The following PLCH1 variants were observed in gnomAD, a reference collection of about 807,000 sequenced individuals.
PLCH1 encodes the protein phospholipase C eta 1.
PLCH1 carries 60 observed loss-of-function variants against 126.7 expected under a neutral mutation model. The observed-to-expected ratio is 0.47, with a 90% CI of 0.38 to 0.59. The LOEUF (loss-of-function observed/expected upper bound fraction) is 0.59. PLCH1 is among the 20% of genes least tolerant of loss of function. The probability of loss-of-function intolerance (pLI) is 0.00; values close to 1 mark genes in which losing one functional copy is unlikely to be tolerated. For missense variants in PLCH1, 1,723 were observed against 2,040.0 expected (o/e 0.84, Z 2.99); for synonymous variants, 719 against 734.9 (o/e 0.98, Z 0.35).
chr3:155,537,532 T>C (rs1268226605), intron 10 of PLCH1, among the ~76,000 whole-genome samples: 2 of 151,812 alleles, frequency 1.3e-5, no homozygotes, highest in Admixed American at 1.3e-4. Flanking sequence ...CTCATAAACT[T>C]AAAGTAAAGG....
At chr3:155,632,293 G>A (rs1007920) in intron 2 of PLCH1, among the ~76,000 whole-genome samples, 44,919 of 151,924 alleles carry the variant, frequency 0.3, 7,217 homozygotes, top group East Asian at 0.44. Context: ...TTTCACACAC[G>A]CTACTCCCTA....
At chr3:155,463,190 A>G (rs1438410279) in intron 21 of PLCH1, among the ~76,000 whole-genome samples, 1 of 152,132 alleles carries the variant, frequency 6.6e-6, no homozygotes, top group Non-Finnish European at 1.5e-5. Flanking sequence ...CCCACCCCCC[A>G]GTGAAATAGG....
chr3:155,717,935 C>T (rs1747652416), intron 1 of PLCH1, among the ~76,000 whole-genome samples: 2 of 152,184 alleles, frequency 1.3e-5, no homozygotes, highest in African/African-American at 4.8e-5. Flanking sequence ...GAATTTTCCA[C>T]ACTCTTAAGC....
At chr3:155,527,268 A>G (rs1029677710) in intron 10 of PLCH1, among the ~76,000 whole-genome samples, 1 of 152,186 alleles carries the variant, frequency 6.6e-6, no homozygotes, top group Non-Finnish European at 1.5e-5. Context: ...AAATAATGAT[A>G]AATTTCTAAA....
At chr3:155,486,513 G>GTTTTTTTTT (rs397733786) in intron 21 of PLCH1, among the ~76,000 whole-genome samples, 1 of 102,030 alleles carries the variant, frequency 9.8e-6, no homozygotes, top group Non-Finnish European at 1.9e-5. Flanking sequence ...GCTCAAGTTT[G>GTTTTTTTTT]TTTTTTTTTT....
In PLCH1 at chr3:155,482,359, T is replaced by G. The variant is rs1473201904; in HGVS notation, c.3667A>C (p.Ser1223Arg). ...TTGATGGGCATTTTTAGGCCCAGGC[T>G]AGGCAAGGGACAATGGCCTGACATC... ...SVMSGHCPLP[S>R]LGLKMPIKHG... The change falls in exon 23 of 23, where the codon AGC becomes CGC. Residue 1223 changes from serine to arginine, a missense_variant. By Grantham distance (110) the Ser-to-Arg change is moderately radical. Coordinates refer to ENST00000460012, the MANE Select transcript of PLCH1 (RefSeq NM_014996.4). The G allele has an allele frequency of 1.9e-6, 3 of 1,614,082 alleles. No individual in the cohort carries two copies. In the Admixed American group the frequency reaches 5.0e-5, roughly 27 times the overall value.
chr3:155,737,704 T>C (rs149668877), intron 1 of PLCH1, among the ~76,000 whole-genome samples: 8 of 152,312 alleles, frequency 5.3e-5, no homozygotes, highest in African/African-American at 1.9e-4. Flanking sequence ...AGAAATAGGA[T>C]GTCTGGAGAA....
At chr3:155,505,365 A>T (rs1718499196) in intron 12 of PLCH1, among the ~76,000 whole-genome samples, 1 of 152,106 alleles carries the variant, frequency 6.6e-6, no homozygotes, top group East Asian at 1.9e-4. Context: ...GAGAGTTTAA[A>T]CTCTTATTCA....
At chr3:155,703,326 C>G (rs1746411385) in intron 2 of PLCH1, among the ~76,000 whole-genome samples, 2 of 152,072 alleles carry the variant, frequency 1.3e-5, no homozygotes, top group African/African-American at 4.8e-5. Flanking sequence ...CACTCCACTC[C>G]CCCTGAAATC....
chr3:155,625,947 T>G (rs949022752), intron 2 of PLCH1, among the ~76,000 whole-genome samples: 1 of 152,164 alleles, frequency 6.6e-6, no homozygotes, highest in African/African-American at 2.4e-5. Context: ...CTGTGGCACT[T>G]TTCACAATAG....
chr3:155,633,448 A>AC (rs1738310457), intron 2 of PLCH1, among the ~76,000 whole-genome samples: 4 of 146,532 alleles, frequency 2.7e-5, no homozygotes, highest in South Asian at 2.2e-4. Flanking sequence ...ACACACACAC[A>AC]AACATAAACA....
At chr3:155,737,839 C>T (rs957165449) in intron 1 of PLCH1, among the ~76,000 whole-genome samples, 3 of 152,174 alleles carry the variant, frequency 2.0e-5, no homozygotes, top group East Asian at 3.9e-4. Context: ...GTTTTATTAG[C>T]ACTCCATGCA....
chr3:155,707,343 A>T (rs910316377), intron 1 of PLCH1, among the ~76,000 whole-genome samples: 3 of 152,200 alleles, frequency 2.0e-5, no homozygotes, highest in Non-Finnish European at 2.9e-5. Flanking sequence ...TACTGATGAG[A>T]AGAAATAAGC....
chr3:155,493,967 G>C (rs1440221240), intron 17 of PLCH1, among the ~76,000 whole-genome samples, 174 bp downstream of exon 17: 1 of 152,014 alleles, frequency 6.6e-6, no homozygotes, highest in African/African-American at 2.4e-5. Flanking sequence ...TTAAGTAGTG[G>C]TGACAAGAAT....
At chr3:155,640,832 G>C (rs1043903512) in intron 2 of PLCH1, among the ~76,000 whole-genome samples, 9 of 152,038 alleles carry the variant, frequency 5.9e-5, no homozygotes, top group Admixed American at 2.0e-4. Flanking sequence ...AAATGCCCAG[G>C]GAGAATATCA....
At chr3:155,519,443 G>C (rs1309744659) in intron 11 of PLCH1, among the ~76,000 whole-genome samples, 1 of 152,032 alleles carries the variant, frequency 6.6e-6, no homozygotes. Context: ...TTCTCATTTT[G>C]TCTCCAGCAT....
chr3:155,593,947 TG>T lies in PLCH1; in HGVS notation c.463del (p.His155MetfsTer5). On this transcript the variant is annotated frameshift_variant, in exon 4 of 23. Coordinates refer to ENST00000460012, the MANE Select transcript of PLCH1 (RefSeq NM_014996.4). LOFTEE classifies it high-confidence loss of function. The stretch of plus-strand genomic sequence containing the variant: ...AAAGTTCTAGAAAGGATATTGGTCA[TG>T]GGTCCTCTGCCTTTTGGCAAGGGAG... ...EDSLAKRQRT[H>X]DQWVKQTFEE... 2 of 1,614,098 alleles carry T rather than the reference TG, an allele frequency of 1.2e-6. No homozygotes were observed. The highest frequency in any genetic ancestry group is 1.7e-6 in the Non-Finnish European group (2 of 1,179,998).
intron 1 of PLCH1, among the ~76,000 whole-genome samples, chr3:155,740,003 C>T (rs1043398708): frequency 1.3e-5 from 2 of 152,140 alleles, no homozygotes; most frequent in South Asian, 2.1e-4. Context: ...GCCAAAATTC[C>T]TCAGACCAAA....
chr3:155,479,304 C>A (rs986508978), downstream of PLCH1, among the ~76,000 whole-genome samples: 2 of 152,064 alleles, frequency 1.3e-5, no homozygotes, highest in Admixed American at 6.6e-5. Flanking sequence ...AACAAAAATG[C>A]CTTGGGCTCA....
Sources: allele counts gnomAD v4.1 joint callset (sites outside exome capture counted in the v4.1 genomes callset), GRCh38; gene constraint gnomAD v4.1.1; transcripts MANE v1.5; gene names NCBI Gene and HGNC (gene_info 2026-07-23, HGNC 2026-07-21).